Variants in EPHA5 observed in about 807,000 individuals in gnomAD.
EPHA5 encodes the protein EPH receptor A5.
EPHA5 carries 60 observed loss-of-function variants against 105.0 expected under a neutral mutation model. The observed-to-expected ratio is 0.57, with a 90% CI of 0.46 to 0.71. The LOEUF is 0.71. Among genes scored for constraint, EPHA5 ranks in the 30% least tolerant of loss-of-function variants. The pLI is 0.00. For synonymous variants in EPHA5, 513 were observed against 449.1 expected (o/e 1.14, Z -1.80); for missense variants, 1,218 against 1,274.7 (o/e 0.96, Z 0.68).
At chr4:65,616,208 A>G (rs902473350) in intron 2 of EPHA5, among the ~76,000 whole-genome samples, 16 of 151,956 alleles carry the variant, frequency 1.1e-4, no homozygotes, top group African/African-American at 3.9e-4. Flanking sequence ...TTATGACTCA[A>G]TTTTTATAAT....
intron 3 of EPHA5, among the ~76,000 whole-genome samples, chr4:65,554,981 CAAAA>C (rs71205383): frequency 0.029 from 2,616 of 90,024 alleles, 4 homozygotes; most frequent in Admixed American, 0.031. Context: ...TATACAACAG[CAAAA>C]AAAAAAAAAA....
At chr4:65,365,506 A>G (rs1245905826) in intron 10 of EPHA5, among the ~76,000 whole-genome samples, 1 of 150,744 alleles carries the variant, frequency 6.6e-6, no homozygotes, top group Non-Finnish European at 1.5e-5. Flanking sequence ...AACTAATGAA[A>G]AATCACTTTT....
At chr4:65,554,526 G>C (rs899941178) in intron 3 of EPHA5, among the ~76,000 whole-genome samples, 1 of 150,690 alleles carries the variant, frequency 6.6e-6, no homozygotes, top group Non-Finnish European at 1.5e-5. Flanking sequence ...GAGGAAAAAA[G>C]GTTTTAAAAA....
At chr4:65,369,629 A>G (rs1011835792) in intron 8 of EPHA5, among the ~76,000 whole-genome samples, 2 of 152,146 alleles carry the variant, frequency 1.3e-5, no homozygotes, top group South Asian at 4.1e-4. Flanking sequence ...CATATATATT[A>G]CAAAAATGGC....
At chr4:65,517,044 C>A (rs1734176392) in intron 3 of EPHA5, among the ~76,000 whole-genome samples, 1 of 152,058 alleles carries the variant, frequency 6.6e-6, no homozygotes, top group Admixed American at 6.6e-5. Flanking sequence ...CTTGTTGTAT[C>A]AATTACTTAG....
intron 8 of EPHA5, 140 bp from the exon 9 acceptor site, chr4:65,367,564 T>C (rs780703135): frequency 4.2e-6 from 3 of 715,948 alleles, no homozygotes; most frequent in Non-Finnish European, 7.2e-6. Context: ...ATGCCAATAC[T>C]AGTAGTTTGG....
chr4:65,521,067 C>T (rs1734658711), intron 3 of EPHA5, among the ~76,000 whole-genome samples: 1 of 152,122 alleles, frequency 6.6e-6, no homozygotes, highest in African/African-American at 2.4e-5. Context: ...TATAAAGACA[C>T]ATGCACATGT....
intron 11 of EPHA5, among the ~76,000 whole-genome samples, chr4:65,362,189 T>G (rs1321897907): frequency 1.3e-5 from 2 of 151,494 alleles, no homozygotes; most frequent in Non-Finnish European, 3.0e-5. Context: ...CATGTGATAG[T>G]GAAAAGATGA....
chr4:65,466,810 C>T (rs946369768), intron 5 of EPHA5, among the ~76,000 whole-genome samples: 4 of 152,194 alleles, frequency 2.6e-5, no homozygotes, highest in Non-Finnish European at 5.9e-5. Context: ...GACTCCTCAT[C>T]CATGTGGCTC....
At chr4:65,521,796 C>A (rs190802339) in intron 3 of EPHA5, among the ~76,000 whole-genome samples, 35 of 151,966 alleles carry the variant, frequency 2.3e-4, no homozygotes, top group African/African-American at 8.2e-4. Flanking sequence ...TTTGTGTAAT[C>A]CAGCTACCAT....
intron 2 of EPHA5, among the ~76,000 whole-genome samples, chr4:65,629,473 A>G (rs917143249): frequency 1.3e-5 from 2 of 152,198 alleles, no homozygotes; most frequent in African/African-American, 2.4e-5. Flanking sequence ...TAAAGTCCCA[A>G]ATATACAAAT....
chr4:65,605,670 A>G lies in EPHA5; in HGVS notation c.247-3366T>C, dbSNP rs186411449. ...CTTGATTCTATATCGAGAGTGATCT[A>G]TTGAGGCTAAGGTGCAACAGTAAGA... On this transcript the variant is annotated intron_variant, in intron 2 of 16. Coordinates refer to ENST00000613740, the MANE Select transcript of EPHA5 (RefSeq NM_001281766.3). Among the ~76,000 whole-genome samples, 349 of 152,158 alleles carry G rather than the reference A, an allele frequency of 2.3e-3. 5 individuals are homozygous for G. Among genetic ancestry groups the G allele is most frequent in the Non-Finnish European group, 1.7e-3 (118 of 67,998 alleles).
chr4:65,524,854 G>A lies in EPHA5; in HGVS notation c.911-29311C>T, dbSNP rs369865052. On this transcript the variant is annotated intron_variant, in intron 3 of 16. Coordinates refer to ENST00000613740, the MANE Select transcript of EPHA5 (RefSeq NM_001281766.3). ...CCTGAGTATATAAGTAAATATGGCA[G>A]ATCTAGTAGTTGTTTCTACAAACCA... Among the ~76,000 whole-genome samples the A allele has an allele frequency of 8.0e-4, 122 of 151,820 alleles. 3 individuals carry two copies. In the South Asian group the frequency reaches 0.013, roughly 17 times the overall value.
At chr4:65,649,289 C>A (rs1748390290) in intron 1 of EPHA5, among the ~76,000 whole-genome samples, 1 of 152,162 alleles carries the variant, frequency 6.6e-6, no homozygotes, top group Admixed American at 6.5e-5. Context: ...CTACTTAAGA[C>A]CTAAACATCA....
intron 3 of EPHA5, among the ~76,000 whole-genome samples, chr4:65,526,908 CA>C (rs1429756033): frequency 5.9e-5 from 9 of 151,870 alleles, no homozygotes; most frequent in African/African-American, 1.9e-4. Context: ...ATCACATTAA[CA>C]GAAATTTTAG....
intron 3 of EPHA5, among the ~76,000 whole-genome samples, chr4:65,531,019 T>A (rs1418531522): frequency 8.1e-5 from 11 of 135,368 alleles, no homozygotes; most frequent in African/African-American, 2.7e-4. Context: ...TTTTTTATTT[T>A]TTTTATTTTT....
Position 65,429,557 on chromosome 4 carries a change from TAAAAGC to T in EPHA5, c.1403-8998_1403-8993del, listed in dbSNP as rs570620859. On this transcript the variant is annotated intron_variant, in intron 5 of 16. Coordinates refer to ENST00000613740, the MANE Select transcript of EPHA5 (RefSeq NM_001281766.3). ...TTAAACCAATCTGATCAAGCATTTT[TAAAAGC>T]AAAACAAACACATCATAAATATAGA... Among the ~76,000 whole-genome samples the T allele has an allele frequency of 1.3e-3, 199 of 152,172 alleles. 1 individual carries two copies. The highest frequency in any genetic ancestry group is 4.5e-3 in the African/African-American group (188 of 41,562).
chr4:65,585,494 CTAAAG>C (rs1413949937), intron 3 of EPHA5, among the ~76,000 whole-genome samples: 1 of 151,428 alleles, frequency 6.6e-6, no homozygotes, highest in Non-Finnish European at 1.5e-5. Flanking sequence ...ACCTTAAGAG[CTAAAG>C]TAGTTAGTGC....
At chr4:65,531,374 G>A (rs1735781272) in intron 3 of EPHA5, among the ~76,000 whole-genome samples, 1 of 152,148 alleles carries the variant, frequency 6.6e-6, no homozygotes, top group South Asian at 2.1e-4. Flanking sequence ...TTCCTCCCTG[G>A]AAAGTGGAGT....
Sources: gnomAD v4.1 joint callset for allele counts (sites outside exome capture counted in the v4.1 genomes callset) on GRCh38, gnomAD v4.1.1 for gene constraint, MANE v1.5 for transcripts, NCBI Gene and HGNC (gene_info 2026-07-23, HGNC 2026-07-21) for gene names.